RBM27: variants seen among roughly 807,000 people sequenced by gnomAD.
The protein encoded by RBM27 is RNA binding motif protein 27.
A neutral mutation model predicts 135.3 loss-of-function variants in RBM27; 22 were observed. The observed-to-expected ratio is 0.16, with a 90% CI of 0.12 to 0.23. The LOEUF (loss-of-function observed/expected upper bound fraction) is 0.23. RBM27 is among the 10% of genes least tolerant of loss of function. RBM27 has a pLI of 1.00. For missense variants in RBM27, 1,009 were observed against 1,281.0 expected (o/e 0.79, Z 3.24); for synonymous variants, 481 against 442.4 (o/e 1.09, Z -1.10).
At chr5:146,269,996 A>G (rs1758793236) in intron 17 of RBM27, among the ~76,000 whole-genome samples, 1 of 152,186 alleles carries the variant, frequency 6.6e-6, no homozygotes, top group African/African-American at 2.4e-5. Flanking sequence ...TCTGCTGAAG[A>G]TGACACTATT....
chr5:146,278,888 A>AT (rs1267167390), intron 19 of RBM27, among the ~76,000 whole-genome samples: 6 of 151,582 alleles, frequency 4.0e-5, no homozygotes, highest in African/African-American at 1.2e-4. Context: ...CGCCTGGCTA[A>AT]TTTTTTGTAT....
chr5:146,223,615 A>G lies in RBM27; in HGVS notation c.303+88A>G, dbSNP rs375917757. Reference sequence around the variant, plus strand: ...TTGGAAGTTGAGCCTTTTAAAAGTAATTGTGTATTGATTCAAGTTTCCGGA... The same window carrying G: ...TTGGAAGTTGAGCCTTTTAAAAGTAGTTGTGTATTGATTCAAGTTTCCGGA... On this transcript the variant is annotated intron_variant, in intron 3 of 20. Transcript: ENST00000265271. 7 of 1,405,606 alleles carry G rather than the reference A, an allele frequency of 5.0e-6. No individual in the cohort carries two copies. In the African/African-American group the frequency reaches 1.0e-4, roughly 21 times the overall value. 87.1% of individuals were successfully genotyped at this position (1,405,606 alleles called of 1,614,324 possible). A position where few individuals can be genotyped will look rare whatever the true frequency, so the allele number is the denominator to read the frequency against.
Position 146,271,106 on chromosome 5 carries a change from A to G in RBM27, c.2796+48A>G, listed in dbSNP as rs369642106. On this transcript the variant is annotated intron_variant, in intron 18 of 20. Coordinates refer to ENST00000265271, the MANE Select transcript of RBM27 (RefSeq NM_018989.2). The stretch of plus-strand genomic sequence containing the variant: ...GCCCCACCACATTTAACGTCTCAAA[A>G]AAGTTTTCCTTTGACCGGGCGCGGT... 42 of 1,484,660 alleles carry G rather than the reference A, an allele frequency of 2.8e-5. 1 individual carries two copies. The South Asian group carries it at 3.4e-4, about 12-fold the overall frequency. 92.0% of individuals were successfully genotyped at this position (1,484,660 alleles called of 1,614,324 possible). A position where few individuals can be genotyped will look rare whatever the true frequency, so the allele number is the denominator to read the frequency against.
At chr5:146,255,151 A>G (rs1758053205) in intron 10 of RBM27, 59 bp downstream of exon 10, 1 of 1,458,804 alleles carries the variant, frequency 6.9e-7, no homozygotes. Context: ...GGATATAGTT[A>G]TTACATTTGC....
chr5:146,235,290 G>A (rs1757111957), intron 7 of RBM27, among the ~76,000 whole-genome samples: 2 of 152,002 alleles, frequency 1.3e-5, no homozygotes, highest in South Asian at 2.1e-4. Flanking sequence ...GCACAGTGGT[G>A]CACGCCTGTA....
chr5:146,220,862 C>T (rs1041433843), intron 2 of RBM27, among the ~76,000 whole-genome samples: 3 of 152,082 alleles, frequency 2.0e-5, no homozygotes, highest in Non-Finnish European at 4.4e-5. Flanking sequence ...GAAAGCAAAA[C>T]ATATTTGGGG....
intron 8 of RBM27, among the ~76,000 whole-genome samples, chr5:146,238,440 G>A (rs1489635643): frequency 2.0e-5 from 3 of 152,114 alleles, no homozygotes; most frequent in East Asian, 1.9e-4. Flanking sequence ...CCTGGGAGGC[G>A]GAGGTTGCAG....
intron 8 of RBM27, among the ~76,000 whole-genome samples, chr5:146,241,542 C>T (rs562219640): frequency 3.9e-5 from 6 of 152,154 alleles, no homozygotes; most frequent in South Asian, 4.1e-4. Context: ...AGTGCAGTGG[C>T]GCAACCTCCA....
chr5:146,226,553 G>GT (rs1484683057), intron 3 of RBM27, among the ~76,000 whole-genome samples: 5 of 151,258 alleles, frequency 3.3e-5, no homozygotes, highest in African/African-American at 1.2e-4. Context: ...TAATTTTTTT[G>GT]TATTTTTAGT....
At position 146,233,109 on chromosome 5, in the gene RBM27, C is replaced by T. The variant is rs191849362; in HGVS notation, c.851-341C>T. ...AGGTCAATGCCCTTATTCTCCCCTA[C>T]CCCACGCCTTTGCTAAATTGATATT... On this transcript the variant is annotated intron_variant, in intron 6 of 20. Coordinates refer to ENST00000265271, the MANE Select transcript of RBM27 (RefSeq NM_018989.2). Among the ~76,000 whole-genome samples the T allele has an allele frequency of 2.5e-3, 381 of 152,270 alleles. 4 individuals are homozygous for T. The highest frequency in any genetic ancestry group is 8.9e-3 in the African/African-American group (368 of 41,544).
chr5:146,234,472 T>C lies in RBM27; in HGVS notation c.1144+729T>C, dbSNP rs80328610. On this transcript the variant is annotated intron_variant, in intron 7 of 20. Coordinates refer to ENST00000265271, the MANE Select transcript of RBM27 (RefSeq NM_018989.2). The stretch of plus-strand genomic sequence containing the variant: ...GTCATGTCACTTCACCAGTATGTAC[T>C]TCAGTATGGATCTCCTTTCTGATAA... Among the ~76,000 whole-genome samples the C allele has an allele frequency of 3.5e-4, 53 of 151,742 alleles. 1 individual carries two copies. The East Asian group carries it at 9.9e-3, about 28-fold the overall frequency.
intron 6 of RBM27, among the ~76,000 whole-genome samples, chr5:146,232,633 A>G (rs1332410714): frequency 2.0e-5 from 3 of 151,662 alleles, no homozygotes; most frequent in African/African-American, 7.3e-5. Flanking sequence ...CAGTGCCATG[A>G]TCTCAGCTCA....
At chr5:146,242,486 G>A (rs1757446411) in intron 8 of RBM27, among the ~76,000 whole-genome samples, 1 of 152,212 alleles carries the variant, frequency 6.6e-6, no homozygotes, top group African/African-American at 2.4e-5. Context: ...TCTTTCTTGA[G>A]TGTGAAATCT....
chr5:146,243,035 G>A (rs1190314793), intron 8 of RBM27, among the ~76,000 whole-genome samples: 2 of 152,080 alleles, frequency 1.3e-5, no homozygotes, highest in Non-Finnish European at 2.9e-5. Context: ...AGAGGCTAAG[G>A]CAGGCGGATC....
chr5:146,271,261 A>G (rs1758850032), intron 18 of RBM27, among the ~76,000 whole-genome samples: 1 of 152,104 alleles, frequency 6.6e-6, no homozygotes, highest in Admixed American at 6.6e-5. Context: ...TTAGCCAGGC[A>G]TGGTGGTGCT....
intron 8 of RBM27, among the ~76,000 whole-genome samples, chr5:146,239,467 CTTTTCTTTTTTTTTT>C (rs1757307777): frequency 7.6e-6 from 1 of 130,814 alleles, no homozygotes; most frequent in African/African-American, 3.0e-5. Context: ...TTTTTTTTTC[CTTTTCTTTTTTTTTT>C]TTTTTTTTTT....
chr5:146,228,018 G>A (rs1414305649), intron 3 of RBM27, among the ~76,000 whole-genome samples: 1 of 152,040 alleles, frequency 6.6e-6, no homozygotes, highest in Non-Finnish European at 1.5e-5. Context: ...TTTACTCTAT[G>A]GTACTTAAGA....
At chr5:146,258,356 A>T in intron 10 of RBM27, 93 bp from the exon 11 acceptor site, 1 of 930,094 alleles carries the variant, frequency 1.1e-6, no homozygotes. Context: ...ATAGTAGTTG[A>T]GCTATTCATA....
chr5:146,227,971 A>T (rs2163754), intron 3 of RBM27, among the ~76,000 whole-genome samples: 21,844 of 152,126 alleles, frequency 0.14, 2,805 homozygotes, highest in African/African-American at 0.34. Flanking sequence ...TGAATTATGT[A>T]TGTATATATA....
Sources: gnomAD v4.1 joint callset for allele counts (sites outside exome capture counted in the v4.1 genomes callset) on GRCh38, gnomAD v4.1.1 for gene constraint, MANE v1.5 for transcripts, NCBI Gene and HGNC (gene_info 2026-07-23, HGNC 2026-07-21) for gene names.